Variants in NELFA observed in about 807,000 individuals in gnomAD.
The protein encoded by NELFA is negative elongation factor complex member A, also known as negative elongation factor A.
In NELFA, 35 loss-of-function variants were observed where a neutral mutation model predicts 51.8. That is an observed-to-expected ratio of 0.68 (90% confidence interval 0.52 to 0.90). The LOEUF (loss-of-function observed/expected upper bound fraction) is 0.90. NELFA is among the 40% of genes least tolerant of loss of function. The probability of loss-of-function intolerance (pLI) is 0.00; values close to 1 mark genes in which losing one functional copy is unlikely to be tolerated. For synonymous variants in NELFA, 417 were observed against 338.4 expected (o/e 1.23, Z -2.55); for missense variants, 658 against 746.4 (o/e 0.88, Z 1.38).
chr4:1,986,687 G>A, intron 4 of NELFA: 1 of 400,072 alleles, frequency 2.5e-6, no homozygotes, highest in East Asian at 5.1e-5. Context: ...GGCGGGGGCT[G>A]AGCTCTGCCT....
rs771874119 is a variant in NELFA at position 1,983,386 on chromosome 4, T to TCAAA, written c.1516_1519dup (p.Glu507ValfsTer2). On this transcript the variant is annotated stop_gained and frameshift_variant, in exon 11 of 11. Coordinates refer to ENST00000382882, the MANE Select transcript of NELFA (RefSeq NM_005663.5). LOFTEE classifies it high-confidence loss of function. ...CCACTGGCCCGTGGCATAGTTCATC[T>TCAAA]CAAACACTGTGTCCACCAGCATGGT... is the stretch of plus-strand genomic sequence containing the variant. The TCAAA allele has an allele frequency of 1.9e-6, 3 of 1,614,200 alleles. No homozygotes were observed. Among genetic ancestry groups the TCAAA allele is most frequent in the Non-Finnish European group, 1.7e-6 (2 of 1,180,040 alleles).
intron 2 of NELFA, chr4:1,990,097 G>A (rs1192931639): frequency 1.2e-5 from 7 of 575,630 alleles, no homozygotes; most frequent in Non-Finnish European, 2.2e-5. Flanking sequence ...TGAGAGGGCT[G>A]TAAACTGGAA....
chr4:2,005,463 T>C (rs970259067), intron 1 of NELFA, among the ~76,000 whole-genome samples: 8 of 152,096 alleles, frequency 5.3e-5, no homozygotes, highest in South Asian at 2.1e-4. Flanking sequence ...AGGCTGGGCA[T>C]AGTGGCTCAC....
In NELFA at chr4:1,989,663, T is replaced by C; in HGVS notation, c.544+45A>G. 2 of 1,585,242 alleles carry C rather than the reference T, an allele frequency of 1.3e-6. No homozygotes were observed. Among genetic ancestry groups the C allele is most frequent in the Non-Finnish European group, 1.7e-6 (2 of 1,166,244 alleles). On this transcript the variant is annotated intron_variant, in intron 3 of 10. Transcript: ENST00000382882. This position sits in a 1 kb window ranked among gnomAD's most constrained non-coding sequence, Gnocchi z 4.8. Reference sequence around the variant, plus strand: ...CCTTAGAACCTAAGAAACCTATGACTGGAAACTACAAAGACAATGCCCGAT... The same window carrying C: ...CCTTAGAACCTAAGAAACCTATGACCGGAAACTACAAAGACAATGCCCGAT...
rs371539013 is a variant in NELFA at position 1,984,090 on chromosome 4, G to A, written c.1060C>T (p.Arg354Cys). The change falls in exon 9 of 11, where the codon CGC becomes TGC. Residue 354 changes from arginine (R) to cysteine (C), a missense_variant. This residue lies in a region of NELFA where 200 missense variants were observed against 167.9 expected (regional missense o/e 1.19). Transcript: ENST00000382882. ...GGGGCGCTGGGCTCCTCTGGTGGGC[G>A]GCTGGCTTCCCGGGAAGATGGGGCT... ...PPAPSSREAS[R>C]PPEEPSAPSP... 2.6e-5 allele frequency: 41 copies of A among 1,579,826 alleles called. No individual in the cohort carries two copies. The highest frequency in any genetic ancestry group is 3.6e-5 in the Admixed American group (2 of 55,614).
At position 1,983,930 on chromosome 4, in the gene NELFA, G is replaced by A. The variant is rs200646290; in HGVS notation, c.1220C>T (p.Thr407Ile). 5 of 1,610,308 alleles carry A rather than the reference G, an allele frequency of 3.1e-6. No homozygotes were observed. Among genetic ancestry groups the A allele is most frequent in the East Asian group, 4.5e-5 (2 of 44,862 alleles). The change falls in exon 9 of 11, where the codon ACT becomes ATT. Residue 407 changes from threonine to isoleucine, a missense_variant. Thr to Ile is a moderately conservative substitution (Grantham distance 89). Around this residue, in one of 3 missense-constraint regions of NELFA, gnomAD observed 200 missense variants for 167.9 expected, o/e 1.19. Transcript: ENST00000382882. ...CACCATGGCAACCGGGGGTGTCTGA[G>A]TGGTAGGGGCGACAGCCGGAGGTGT... is the stretch of plus-strand genomic sequence containing the variant. ...PTTPPAVAPT[T>I]QTPPVAMVAP...
intron 1 of NELFA, among the ~76,000 whole-genome samples, chr4:2,007,649 G>A (rs1049132898): frequency 1.3e-5 from 2 of 152,316 alleles, no homozygotes; most frequent in East Asian, 1.9e-4. Context: ...CCAAAATGAG[G>A]AAGGGGAAAG....
At chr4:2,008,699 A>G in intron 1 of NELFA, 51 bp downstream of exon 1, 1 of 1,556,632 alleles carries the variant, frequency 6.4e-7, no homozygotes, top group South Asian at 1.2e-5. Flanking sequence ...TGCGGGTCGG[A>G]GGTGGGAAGG....
chr4:1,999,522 C>T (rs1423263134), intron 1 of NELFA, among the ~76,000 whole-genome samples: 1 of 151,964 alleles, frequency 6.6e-6, no homozygotes, highest in Non-Finnish European at 1.5e-5. Flanking sequence ...AGACTTTAAA[C>T]CAACAAAGAT....
At chr4:1,992,381 G>A (rs985026770) in intron 1 of NELFA, 2 of 313,150 alleles carry the variant, frequency 6.4e-6, no homozygotes, top group Non-Finnish European at 1.3e-5. Flanking sequence ...GGAAGCAGGC[G>A]CACCCCGTGC....
intron 1 of NELFA, among the ~76,000 whole-genome samples, chr4:1,998,680 A>G (rs1190065516): frequency 3.3e-5 from 5 of 152,204 alleles, no homozygotes; most frequent in Admixed American, 3.3e-4. Context: ...TACTGACTGG[A>G]GTACCAGAAG....
At chr4:1,997,212 C>G (rs1728449487) in intron 1 of NELFA, among the ~76,000 whole-genome samples, 1 of 152,186 alleles carries the variant, frequency 6.6e-6, no homozygotes, top group South Asian at 2.1e-4. Context: ...TTACCAAGTT[C>G]TACCAAATAT....
intron 1 of NELFA, among the ~76,000 whole-genome samples, chr4:1,993,307 C>T (rs1728330457): frequency 6.6e-6 from 1 of 152,206 alleles, no homozygotes; most frequent in African/African-American, 2.4e-5. Flanking sequence ...CTTTCCCGGG[C>T]GCGGTAGCTC....
intron 3 of NELFA, among the ~76,000 whole-genome samples, chr4:1,988,949 T>TTTG (rs113258620): frequency 2.0e-5 from 3 of 149,884 alleles, no homozygotes; most frequent in African/African-American, 7.5e-5. Flanking sequence ...TTGGTGGGTT[T>TTTG]TTTTTTTTTT....
At chr4:1,986,682 G>A (rs1728111032) in intron 4 of NELFA, 4 of 412,220 alleles carry the variant, frequency 9.7e-6, no homozygotes, top group Non-Finnish European at 1.8e-5. Context: ...AGTGTGGCGG[G>A]GGCTGAGCTC....
At chr4:1,998,849 A>C (rs1459635149) in intron 1 of NELFA, among the ~76,000 whole-genome samples, 5 of 152,174 alleles carry the variant, frequency 3.3e-5, no homozygotes, top group African/African-American at 1.2e-4. Flanking sequence ...TAATCATCAA[A>C]TTCTCCAAGG....
In NELFA at chr4:1,986,036, C is replaced by T. The variant is rs918208825; in HGVS notation, c.835+78G>A. 13 of 1,472,306 alleles carry T rather than the reference C, an allele frequency of 8.8e-6. No individual in the cohort carries two copies. In the South Asian group the frequency reaches 9.9e-5, roughly 11 times the overall value. 91.2% of individuals were successfully genotyped at this position (1,472,306 alleles called of 1,614,324 possible). A position where few individuals can be genotyped will look rare whatever the true frequency, so the allele number is the denominator to read the frequency against. Reference sequence around the variant, plus strand: ...ACGGGGCACAGCCCTGCCCGCCGAGCGTGGGCACAACCCACCCCAACTGGG... The same window carrying T: ...ACGGGGCACAGCCCTGCCCGCCGAGTGTGGGCACAACCCACCCCAACTGGG... On this transcript the variant is annotated intron_variant, in intron 6 of 10. Transcript: ENST00000382882.
chr4:1,990,349 G>A (rs570136832), intron 2 of NELFA: 2 of 456,154 alleles, frequency 4.4e-6, no homozygotes, highest in Admixed American at 2.3e-5. Context: ...GCTCACCCAC[G>A]GTTCAGATCC....
intron 1 of NELFA, among the ~76,000 whole-genome samples, chr4:2,003,063 G>A (rs1204481843): frequency 6.6e-6 from 1 of 152,106 alleles, no homozygotes; most frequent in Non-Finnish European, 1.5e-5. Flanking sequence ...TCAAAAAGTG[G>A]GCAAAGGAGG....
Sources: gnomAD v4.1 joint callset for allele counts (sites outside exome capture counted in the v4.1 genomes callset) on GRCh38, gnomAD v4.1.1 for gene constraint, gnomAD v4.1.1 regional missense constraint, Gnocchi (gnomAD v3.1) non-coding constraint, MANE v1.5 for transcripts, NCBI Gene and HGNC (gene_info 2026-07-23, HGNC 2026-07-21) for gene names.